AXDND1: variants seen among roughly 807,000 people sequenced by gnomAD.
AXDND1 encodes axonemal dynein light chain domain containing 1.
AXDND1 carries 110 observed loss-of-function variants against 137.5 expected under a neutral mutation model. The observed-to-expected ratio is 0.80, with a 90% confidence interval of 0.69 to 0.94. The LOEUF (loss-of-function observed/expected upper bound fraction) is 0.94, where lower values mean the gene tolerates loss of function less well. Ranked by LOEUF, AXDND1 falls within the 40% of genes least tolerant of loss-of-function variation. The probability of loss-of-function intolerance (pLI) is 0.00; values close to 1 mark genes in which losing one functional copy is unlikely to be tolerated. For synonymous variants in AXDND1, 414 were observed against 399.7 expected (o/e 1.04, Z -0.43); for missense variants, 1,191 against 1,169.8 (o/e 1.02, Z -0.26).
Position 179,492,910 on chromosome 1 carries a change from A to G in AXDND1, c.2347A>G (p.Lys783Glu). 3.1e-6 allele frequency: 5 copies of G among 1,611,772 alleles called. No individual in the cohort carries two copies. Among genetic ancestry groups the G allele is most frequent in the Non-Finnish European group, 4.2e-6 (5 of 1,179,158 alleles). ...MALSKSTNSH[K>E]NATEDLYEVD... ...TCTGAGTAAATCCACTAACTCACACAAAAATGCTACTGAAGACCTTTATGA... is the reference window on the plus strand; with the variant it reads ...TCTGAGTAAATCCACTAACTCACACGAAAATGCTACTGAAGACCTTTATGA... Residue 783 changes from lysine (K) to glutamate (E), a missense_variant, in exon 20 of 26, where the codon AAA becomes GAA. By Grantham distance (56) the Lys-to-Glu change is moderately conservative (BLOSUM62 1). Coordinates refer to ENST00000367618, the MANE Select transcript of AXDND1 (RefSeq NM_144696.6).
chr1:179,488,726 T>TTC (rs1286734834), intron 18 of AXDND1, among the ~76,000 whole-genome samples: 1 of 91,906 alleles, frequency 1.1e-5, no homozygotes, highest in African/African-American at 3.9e-5. Context: ...CTCTCTTTCT[T>TTC]TCTCTCTCTC....
chr1:179,466,153 C>T (rs934858182), intron 16 of AXDND1, among the ~76,000 whole-genome samples: 4 of 152,188 alleles, frequency 2.6e-5, no homozygotes, highest in African/African-American at 9.6e-5. Flanking sequence ...GAGATGAACC[C>T]AATACCTCAG....
chr1:179,430,380 C>A (rs769288456), intron 13 of AXDND1, 72 bp from the exon 14 acceptor site: 3 of 1,140,290 alleles, frequency 2.6e-6, no homozygotes, highest in Non-Finnish European at 3.6e-6. Flanking sequence ...TAATAATGGC[C>A]TGGTATATGT....
At chr1:179,537,030 A>G (rs977497996) in intron 25 of AXDND1, among the ~76,000 whole-genome samples, 1 of 152,146 alleles carries the variant, frequency 6.6e-6, no homozygotes, top group Non-Finnish European at 1.5e-5. Context: ...GGTGTATAGC[A>G]TGGAATGCTT....
chr1:179,488,727 TCTCTCTCTCTCTTTC>T (rs1427576077), intron 18 of AXDND1, among the ~76,000 whole-genome samples: 241 of 91,114 alleles, frequency 2.6e-3, no homozygotes, highest in Non-Finnish European at 3.3e-3. Context: ...TCTCTTTCTT[TCTCTCTCTCTCTTTC>T]TTTTTTTTTT....
intron 4 of AXDND1, among the ~76,000 whole-genome samples, chr1:179,376,844 G>A (rs1647343069): frequency 6.6e-6 from 1 of 152,050 alleles, no homozygotes. Flanking sequence ...TTACAATATG[G>A]TTAATAAATA....
At chr1:179,379,872 T>C (rs1647956113) in intron 6 of AXDND1, among the ~76,000 whole-genome samples, 1 of 151,080 alleles carries the variant, frequency 6.6e-6, no homozygotes, top group Non-Finnish European at 1.5e-5. Flanking sequence ...TAGAAGAACC[T>C]GAGAATAGTA....
chr1:179,369,168 C>T (rs1667772910), intron 3 of AXDND1, among the ~76,000 whole-genome samples, 196 bp downstream of exon 3: 1 of 152,136 alleles, frequency 6.6e-6, no homozygotes, highest in Admixed American at 6.5e-5. Context: ...GCCTCGACTA[C>T]CCTGGCTCAG....
intron 14 of AXDND1, among the ~76,000 whole-genome samples, chr1:179,431,218 T>C (rs755697125): frequency 1.3e-5 from 2 of 152,198 alleles, no homozygotes; most frequent in African/African-American, 2.4e-5. Context: ...CTTGGCTCAC[T>C]GCTGCCTCCA....
intron 4 of AXDND1, among the ~76,000 whole-genome samples, chr1:179,372,775 C>A (rs1162930095): frequency 6.6e-6 from 1 of 152,042 alleles, no homozygotes; most frequent in African/African-American, 2.4e-5. Context: ...CCTCTGCCTC[C>A]CGGGTTCAAG....
chr1:179,466,443 G>C (rs1663212415), intron 16 of AXDND1, among the ~76,000 whole-genome samples: 2 of 149,504 alleles, frequency 1.3e-5, no homozygotes, highest in South Asian at 4.3e-4. Context: ...TATTTTCTAA[G>C]AATTATAATT....
chr1:179,477,337 A>G (rs1416920397), intron 17 of AXDND1, among the ~76,000 whole-genome samples: 1 of 152,202 alleles, frequency 6.6e-6, no homozygotes, highest in Non-Finnish European at 1.5e-5. Context: ...CTGTTGATAA[A>G]GACATACCCA....
chr1:179,534,983 T>C (rs773074980), intron 25 of AXDND1, 21 bp downstream of exon 25: 1 of 1,606,030 alleles, frequency 6.2e-7, no homozygotes, highest in Non-Finnish European at 8.5e-7. Context: ...CTTCGTATTT[T>C]GCTTTATTCA....
chr1:179,483,009 C>T, intron 17 of AXDND1, 119 bp from the exon 18 acceptor site: 2 of 575,562 alleles, frequency 3.5e-6, no homozygotes, highest in Non-Finnish European at 3.0e-6. Flanking sequence ...AGTTCTCAAG[C>T]AGTTGTCAAC....
chr1:179,506,868 A>G (rs1668590780), intron 20 of AXDND1: 1 of 985,380 alleles, frequency 1.0e-6, no homozygotes, highest in African/African-American at 1.7e-5. Flanking sequence ...TGGTCCTCCA[A>G]AAGGACTATG....
At chr1:179,446,187 C>T (rs928715975) in intron 16 of AXDND1, among the ~76,000 whole-genome samples, 3 of 151,888 alleles carry the variant, frequency 2.0e-5, no homozygotes, top group South Asian at 2.1e-4. Flanking sequence ...TTTTCTAAGA[C>T]AAAAATTGAT....
rs1357251242 is a variant in AXDND1, at chr1:179,366,596, A to G, written c.87A>G (p.Glu29=). Residue 29 remains glutamate (E), a synonymous_variant, in exon 2 of 26, where the codon GAA becomes GAG. Coordinates refer to ENST00000367618, the MANE Select transcript of AXDND1 (RefSeq NM_144696.6). ...AGTTAAAAGTGTCTGTAGCCAAGGAAGGGACAAGAGGTAAACTTCGTTGAT... is the reference window on the plus strand; with the variant it reads ...AGTTAAAAGTGTCTGTAGCCAAGGAGGGGACAAGAGGTAAACTTCGTTGAT... ...SKKLKVSVAK[E]GTRGLPELKE... is the part of the protein sequence containing the mutation. 28 of 1,608,990 alleles carry G rather than the reference A, an allele frequency of 1.7e-5. No individual in the cohort carries two copies. The highest frequency in any genetic ancestry group is 2.2e-5 in the East Asian group (1 of 44,856).
intron 16 of AXDND1, among the ~76,000 whole-genome samples, chr1:179,460,429 T>A (rs906107861): frequency 6.6e-6 from 1 of 152,208 alleles, no homozygotes; most frequent in Non-Finnish European, 1.5e-5. Flanking sequence ...TGCCACATTT[T>A]CTTAATCCCC....
intron 12 of AXDND1, among the ~76,000 whole-genome samples, chr1:179,420,568 A>T (rs1655523165): frequency 6.7e-6 from 1 of 148,482 alleles, no homozygotes; most frequent in Non-Finnish European, 1.5e-5. Context: ...AGGTCCTGGG[A>T]TTTTCTTTGA....
Sources: gnomAD v4.1 joint callset for allele counts (sites outside exome capture counted in the v4.1 genomes callset) on GRCh38, gnomAD v4.1.1 for gene constraint, MANE v1.5 for transcripts, NCBI Gene and HGNC (gene_info 2026-07-23, HGNC 2026-07-21) for gene names.